The following STARD13 variants were observed in gnomAD, a reference collection of about 807,000 sequenced individuals.
STARD13 encodes StAR related lipid transfer domain containing 13, also known as stAR-related lipid transfer protein 13.
STARD13 carries 62 observed loss-of-function variants against 106.4 expected under a neutral mutation model. That is an observed-to-expected ratio of 0.58 (90% CI 0.48 to 0.72). STARD13 has a LOEUF of 0.72. Among genes scored for constraint, STARD13 ranks in the 30% least tolerant of loss-of-function variants. The pLI is 0.00. For synonymous variants in STARD13, 565 were observed against 553.0 expected, an observed-to-expected ratio of 1.02 and a Z score of -0.31; for missense variants, 1,387 against 1,424.0, an observed-to-expected ratio of 0.97 and a Z score of 0.42.
At chr13:33,232,658 A>G (rs1333420660) in intron 1 of STARD13, among the ~76,000 whole-genome samples, 6 of 152,266 alleles carry the variant, frequency 3.9e-5, no homozygotes, top group Non-Finnish European at 8.8e-5. Flanking sequence ...CAATTGTCCC[A>G]TAGAAATGAT....
At chr13:33,488,417 G>A in the STARD13 span, among the ~76,000 whole-genome samples, 1 of 152,074 alleles carries the variant, frequency 6.6e-6, no homozygotes, top group Non-Finnish European at 1.5e-5. Context: ...GTATTTCTGT[G>A]TCAATCACAA....
Position 33,169,929 on chromosome 13 carries a change from A to G in STARD13, c.170-2307T>C, listed in dbSNP as rs1308697522. ...TTTGGAACATCACGTGTTTTCACTA[A>G]TTTGTGGGATCTAAAAATCAAAATA... On this transcript the variant is annotated intron_variant, in intron 1 of 13. Coordinates refer to ENST00000336934, the MANE Select transcript of STARD13 (RefSeq NM_178006.4). 2.0e-5 allele frequency among the ~76,000 whole-genome samples: 3 copies of G among 152,184 alleles called. No individual in the cohort carries two copies. The East Asian group carries it at 5.8e-4, about 29-fold the overall frequency.
the STARD13 span, among the ~76,000 whole-genome samples, chr13:33,542,478 G>A: frequency 5.3e-5 from 8 of 152,228 alleles, no homozygotes; most frequent in African/African-American, 1.9e-4. Context: ...TGCCTGCCTA[G>A]CAAACGTGCA....
chr13:33,436,953 C>T, the STARD13 span, among the ~76,000 whole-genome samples: 1 of 152,176 alleles, frequency 6.6e-6, no homozygotes, highest in African/African-American at 2.4e-5. Flanking sequence ...ACGTCACATT[C>T]CGCCTTCCAT....
At chr13:33,644,729 G>A in the STARD13 span, among the ~76,000 whole-genome samples, 4,643 of 152,238 alleles carry the variant, frequency 0.03, 78 homozygotes, top group African/African-American at 0.051. Flanking sequence ...CTACTTGTGG[G>A]TGAGTCTGTG....
At chr13:33,397,396 T>G in the STARD13 span, among the ~76,000 whole-genome samples, 1 of 152,206 alleles carries the variant, frequency 6.6e-6, no homozygotes, top group Non-Finnish European at 1.5e-5. Flanking sequence ...GTGCCAGTAT[T>G]GCTCTGTAGG....
intron 1 of STARD13, among the ~76,000 whole-genome samples, chr13:33,239,021 C>T (rs923838441): frequency 6.6e-6 from 1 of 151,864 alleles, no homozygotes; most frequent in Non-Finnish European, 1.5e-5. Context: ...TAAGCAACAA[C>T]CTCCCCATTT....
At chr13:33,265,219 G>A (rs7332507) in intron 1 of STARD13, among the ~76,000 whole-genome samples, 6,314 of 151,810 alleles carry the variant, frequency 0.042, 163 homozygotes, top group African/African-American at 0.057. Context: ...TATATTAATA[G>A]CTCTTATAAA....
At chr13:33,281,143 C>T (rs897139924) in intron 1 of STARD13, 3 of 152,120 alleles carry the variant, frequency 2.0e-5, no homozygotes, top group African/African-American at 7.2e-5. Context: ...CTTGAGCAAT[C>T]ATAGTCCATC....
chr13:33,348,468 C>T (rs973040163), downstream of STARD13: 3 of 152,302 alleles, frequency 2.0e-5, no homozygotes, highest in African/African-American at 7.2e-5. Context: ...CAGTCATCTT[C>T]GGTCTCAGGT....
chr13:33,569,639 TA>T, the STARD13 span, among the ~76,000 whole-genome samples: 2 of 147,342 alleles, frequency 1.4e-5, no homozygotes, highest in South Asian at 2.2e-4. Context: ...GAAAGAAGGT[TA>T]AAAAAAGACC....
the STARD13 span, among the ~76,000 whole-genome samples, chr13:33,444,121 C>G: frequency 1.3e-4 from 20 of 152,194 alleles, no homozygotes; most frequent in East Asian, 3.7e-3. Flanking sequence ...GTCTCTCGAC[C>G]ACCAGTGGGT....
At chr13:33,197,475 CA>C (rs1210947049) in intron 1 of STARD13, among the ~76,000 whole-genome samples, 1 of 151,126 alleles carries the variant, frequency 6.6e-6, no homozygotes, top group East Asian at 1.9e-4. Flanking sequence ...AGCGTCAGCC[CA>C]ATAAAACTTG....
At chr13:33,619,960 A>C in the STARD13 span, among the ~76,000 whole-genome samples, 3 of 152,064 alleles carry the variant, frequency 2.0e-5, no homozygotes, top group East Asian at 5.8e-4. Context: ...AAGAGGATGA[A>C]GTGGGAAAAT....
chr13:33,350,791 G>T, upstream of STARD13: 1 of 339,704 alleles, frequency 2.9e-6, no homozygotes, highest in Non-Finnish European at 3.8e-6. Context: ...TCCCTCCCTC[G>T]CCCAACCTGA....
chr13:33,266,585 C>A (rs1304163817), intron 1 of STARD13, among the ~76,000 whole-genome samples: 1 of 152,180 alleles, frequency 6.6e-6, no homozygotes, highest in African/African-American at 2.4e-5. Flanking sequence ...TCAAGTCATA[C>A]TTTTCCACTC....
chr13:33,312,328 G>A (rs530979852), intron 1 of STARD13, among the ~76,000 whole-genome samples: 2 of 152,232 alleles, frequency 1.3e-5, no homozygotes, highest in African/African-American at 2.4e-5. Context: ...CTGGGTTCTA[G>A]ATGCCACCTA....
the STARD13 span, among the ~76,000 whole-genome samples, chr13:33,553,026 A>C: frequency 6.6e-6 from 1 of 152,214 alleles, no homozygotes; most frequent in Admixed American, 6.5e-5. Flanking sequence ...TAGGAGTAGA[A>C]GATTAAACAA....
chr13:33,120,790 G>C (rs1259246572), intron 7 of STARD13, among the ~76,000 whole-genome samples: 1 of 123,662 alleles, frequency 8.1e-6, no homozygotes, highest in South Asian at 2.5e-4. Flanking sequence ...TTTTTTTTTT[G>C]AGACGGAGTC....
Sources: allele counts gnomAD v4.1 joint callset (sites outside exome capture counted in the v4.1 genomes callset), GRCh38; gene constraint gnomAD v4.1.1; transcripts MANE v1.5; gene names NCBI Gene and HGNC (gene_info 2026-07-23, HGNC 2026-07-21).